Variants in DOCK11 observed in about 807,000 individuals in gnomAD.
DOCK11 encodes the protein dedicator of cytokinesis protein 11.
DOCK11 carries 70 observed loss-of-function variants against 169.1 expected under a neutral mutation model. The observed-to-expected ratio is 0.41, with a 90% confidence interval of 0.34 to 0.51. DOCK11 has a LOEUF of 0.51. DOCK11 is among the 20% of genes least tolerant of loss of function. DOCK11 has a pLI of 0.10. For missense variants in DOCK11, 1,166 were observed against 1,538.8 expected, an observed-to-expected ratio of 0.76 and a Z score of 4.05; for synonymous variants, 529 against 541.3, an observed-to-expected ratio of 0.98 and a Z score of 0.32.
chrX:118,633,188 A>T (rs1316182316), intron 35 of DOCK11: 1 of 111,700 alleles, frequency 9.0e-6, no homozygotes, highest in Non-Finnish European at 1.9e-5. Flanking sequence ...TCTCACTGCA[A>T]ATTTGGTGTT....
At chrX:118,512,066 G>A (rs1416336270) in intron 1 of DOCK11, among the ~76,000 whole-genome samples, 2 of 111,657 alleles carry the variant, frequency 1.8e-5, no homozygotes. Flanking sequence ...GGCGCACGCC[G>A]CCATGCGTGT....
intron 14 of DOCK11, among the ~76,000 whole-genome samples, chrX:118,581,338 G>A (rs946136421): frequency 9.0e-6 from 1 of 111,432 alleles, no homozygotes; most frequent in African/African-American, 3.3e-5. Flanking sequence ...TTGTTTTGCA[G>A]ACTGGTAAAA....
intron 12 of DOCK11, among the ~76,000 whole-genome samples, chrX:118,577,450 G>A (rs1359426264): frequency 8.9e-6 from 1 of 112,406 alleles, no homozygotes; most frequent in Non-Finnish European, 1.9e-5. Flanking sequence ...AGAAACCTGA[G>A]ACTTAGAGAG....
At chrX:118,552,910 A>C (rs1468581667) in intron 6 of DOCK11, among the ~76,000 whole-genome samples, 1 of 111,631 alleles carries the variant, frequency 9.0e-6, no homozygotes, top group Non-Finnish European at 1.9e-5. Context: ...CCCAAAAAAC[A>C]AAAAACCAAC....
intron 44 of DOCK11, among the ~76,000 whole-genome samples, chrX:118,657,478 TG>T (rs2016102867): frequency 2.7e-5 from 3 of 112,046 alleles, no homozygotes. Context: ...TAGGTAAACA[TG>T]TGCCATGGTG....
At chrX:118,658,360 T>C (rs974444571) in intron 44 of DOCK11, among the ~76,000 whole-genome samples, 1 of 112,619 alleles carries the variant, frequency 8.9e-6, no homozygotes, top group Non-Finnish European at 1.9e-5. Context: ...AGTTGACACA[T>C]TGGAAGCAGA....
At chrX:118,621,663 T>G (rs1376682264) in intron 31 of DOCK11, among the ~76,000 whole-genome samples, 2 of 110,908 alleles carry the variant, frequency 1.8e-5, no homozygotes, top group East Asian at 5.7e-4. Flanking sequence ...TGACGGAGTC[T>G]CGCTGTGTAG....
At chrX:118,632,969 T>TGGGGGGGGGGGGTGAGGGG (rs766019635) in intron 35 of DOCK11, 1 of 35,830 alleles carries the variant, frequency 2.8e-5, no homozygotes, top group Non-Finnish European at 4.5e-5. Context: ...TGGGGGGCGG[T>TGGGGGGGGGGGGTGAGGGG]GGGGGGGGGG....
intron 12 of DOCK11, among the ~76,000 whole-genome samples, chrX:118,575,821 C>T (rs989686130): frequency 7.1e-5 from 8 of 112,221 alleles, no homozygotes; most frequent in Admixed American, 3.8e-4. Flanking sequence ...GTGTATTTCC[C>T]GTATTACTTC....
intron 20 of DOCK11, among the ~76,000 whole-genome samples, chrX:118,593,718 C>T (rs965210980): frequency 9.0e-6 from 1 of 111,284 alleles, no homozygotes; most frequent in African/African-American, 3.3e-5. Flanking sequence ...TTACCTCCCC[C>T]TGGGTCCCTC....
intron 40 of DOCK11, among the ~76,000 whole-genome samples, chrX:118,647,579 T>C (rs1322149326): frequency 4.7e-5 from 3 of 63,779 alleles, no homozygotes; most frequent in Non-Finnish European, 8.2e-5. Context: ...TATATTAACA[T>C]ATAATATATC....
intron 14 of DOCK11, 25 bp from the exon 15 acceptor site, chrX:118,584,710 A>AAT (rs2013764523): frequency 9.0e-7 from 1 of 1,108,430 alleles, no homozygotes; most frequent in Non-Finnish European, 1.2e-6. Context: ...TTTTTTTTAA[A>AAT]AAAATGCTTC....
At chrX:118,627,458 A>G (rs767396436) in intron 32 of DOCK11, 46 bp from the exon 33 acceptor site, 1 of 908,258 alleles carries the variant, frequency 1.1e-6, no homozygotes, top group Admixed American at 2.3e-5. Context: ...TTCTTATCCT[A>G]TATACGAATT....
At position 118,654,922 on chromosome X, in the gene DOCK11, C is replaced by G; in HGVS notation, c.4930C>G (p.His1644Asp). The change falls in exon 44 of 53, where the codon CAT becomes GAT. Residue 1644 changes from histidine to aspartate, a missense_variant. Physicochemically the swap from His to Asp is moderately conservative, Grantham distance 81 (BLOSUM62 -1). Transcript: ENST00000276202. ...DFSEAAMCYV[H>D]VAALVAEFLH... ...TTTTCAGGCTGCGATGTGTTATGTC[C>G]ATGTAGCAGCTCTAGTTGCAGAGTT... The G allele has an allele frequency of 8.3e-7, 1 of 1,209,603 alleles. No homozygotes were observed. The highest frequency in any genetic ancestry group is 1.1e-6 in the Non-Finnish European group (1 of 893,569).
chrX:118,512,008 G>A (rs1174358252), intron 1 of DOCK11, among the ~76,000 whole-genome samples: 1 of 112,243 alleles, frequency 8.9e-6, no homozygotes, highest in African/African-American at 3.2e-5. Context: ...CCGACTCCGG[G>A]GTTCAAGCAA....
intron 18 of DOCK11, among the ~76,000 whole-genome samples, chrX:118,589,038 C>T: frequency 8.9e-6 from 1 of 111,735 alleles, no homozygotes; most frequent in Non-Finnish European, 1.9e-5. Flanking sequence ...CAATCAGGGA[C>T]CTGAAAGAGA....
chrX:118,546,240 T>G, intron 6 of DOCK11, 124 bp downstream of exon 6: 3 of 302,096 alleles, frequency 9.9e-6, no homozygotes, highest in Non-Finnish European at 1.6e-5. Context: ...AAGGAGAGGA[T>G]TCTCACAGAC....
At chrX:118,621,726 C>A (rs1037662606) in intron 31 of DOCK11, among the ~76,000 whole-genome samples, 1 of 111,227 alleles carries the variant, frequency 9.0e-6, no homozygotes, top group Non-Finnish European at 1.9e-5. Context: ...CTCCGCCTCC[C>A]GGGTTCAAGC....
chrX:118,624,311 T>C (rs1454138615), intron 31 of DOCK11, among the ~76,000 whole-genome samples: 1 of 112,650 alleles, frequency 8.9e-6, no homozygotes, highest in Non-Finnish European at 1.9e-5. Flanking sequence ...CATGTCATTA[T>C]GTTTGAGGGA....
Sources: gnomAD v4.1 joint callset for allele counts (sites outside exome capture counted in the v4.1 genomes callset) on GRCh38, gnomAD v4.1.1 for gene constraint, MANE v1.5 for transcripts, NCBI Gene and HGNC (gene_info 2026-07-23, HGNC 2026-07-21) for gene names.